The following MYB variants were observed in gnomAD, a reference collection of about 807,000 sequenced individuals.
MYB encodes the protein MYB proto-oncogene, transcription factor, also known as transcriptional activator Myb.
Under a neutral mutation model 92.9 loss-of-function variants are expected in MYB, and 28 were observed. The ratio of observed to expected loss-of-function variants is 0.30; its 90% CI spans 0.22 to 0.41. MYB has a LOEUF of 0.41. MYB is among the 10% of genes least tolerant of loss of function. The pLI is 1.00. For missense variants in MYB, 679 were observed against 929.3 expected, an observed-to-expected ratio of 0.73 and a Z score of 3.50; for synonymous variants, 295 against 329.1, an observed-to-expected ratio of 0.90 and a Z score of 1.12.
chr6:135,201,588 T>C, intron 13 of MYB, 51 bp from the exon 14 acceptor site: 1 of 1,266,340 alleles, frequency 7.9e-7, no homozygotes, highest in Non-Finnish European at 1.1e-6. Flanking sequence ...TGACTGTACA[T>C]GTTTCATAGG....
intron 5 of MYB, among the ~76,000 whole-genome samples, chr6:135,191,613 C>G (rs1776636181): frequency 6.6e-6 from 1 of 152,150 alleles, no homozygotes; most frequent in Non-Finnish European, 1.5e-5. Flanking sequence ...ATACATTCCC[C>G]CACCCCCATT....
At chr6:135,211,740 A>G (rs1056486391) in intron 15 of MYB, among the ~76,000 whole-genome samples, 6 of 152,192 alleles carry the variant, frequency 3.9e-5, no homozygotes, top group Admixed American at 2.6e-4. Context: ...CACATTTGCA[A>G]TTGTTAGTTA....
intron 10 of MYB, among the ~76,000 whole-genome samples, 188 bp from the exon 11 acceptor site, chr6:135,198,720 A>G (rs2128300179): frequency 6.6e-6 from 1 of 152,338 alleles, no homozygotes; most frequent in Non-Finnish European, 1.5e-5. Context: ...TGGAAACCAC[A>G]CCCAAATCCT....
chr6:135,218,181 T>C lies in MYB; in HGVS notation c.*201T>C, dbSNP rs1780701060. ...AACTAAAAGGATTTTTAAAAATAAA[T>C]AACAGTCTTACCTAAATTATTAGGT... is the stretch of plus-strand genomic sequence containing the variant. On this transcript the variant is annotated 3_prime_UTR_variant, in exon 16 of 16. Coordinates refer to ENST00000341911, the MANE Select transcript of MYB (RefSeq NM_001130173.2). 4.0e-6 allele frequency: 2 copies of C among 503,872 alleles called. No homozygotes were observed. Among genetic ancestry groups the C allele is most frequent in the South Asian group, 4.6e-5 (2 of 43,686 alleles). 31.2% of individuals were successfully genotyped at this position (503,872 alleles called of 1,614,324 possible).
Position 135,201,733 on chromosome 6 carries a change from C to T in MYB, c.2045C>T (p.Pro682Leu). The T allele has an allele frequency of 6.7e-7, 1 of 1,503,160 alleles. No homozygotes were observed. Among genetic ancestry groups the T allele is most frequent in the Non-Finnish European group, 9.0e-7 (1 of 1,115,466 alleles). The allele number at this position is 1,503,160 out of a possible 1,614,324, so 93.1% of individuals were successfully genotyped here. The change falls in exon 14 of 16, where the codon CCT (proline) becomes CTT (leucine). Residue 682 changes from proline to leucine, a missense_variant. Around this residue, in one of 8 missense-constraint regions of MYB, gnomAD observed 402 missense variants for 434.2 expected, o/e 0.93. Coordinates refer to ENST00000341911, the MANE Select transcript of MYB (RefSeq NM_001130173.2). ...LNTQLFTQTS[P>L]VADAPNILTS... ...ACCCAACTGTTCACGCAGACCTCGC[C>T]TGTGGCAGATGCACCGGTAAGTACG... is the stretch of plus-strand genomic sequence containing the variant.
At chr6:135,217,749 A>G (rs1346213207) in intron 15 of MYB, 115 bp from the exon 16 acceptor site, 5 of 762,880 alleles carry the variant, frequency 6.6e-6, no homozygotes, top group South Asian at 1.5e-5. Context: ...ATTCTATCTG[A>G]CAAAGCCTTC....
intron 3 of MYB, among the ~76,000 whole-genome samples, chr6:135,188,365 C>T (rs375935827): frequency 6.6e-6 from 1 of 152,242 alleles, no homozygotes; most frequent in East Asian, 1.9e-4. Flanking sequence ...CCCTGGAATT[C>T]CTTTATAGTC....
chr6:135,200,244 C>A (rs780847547), intron 12 of MYB, 45 bp downstream of exon 12: 20 of 1,613,692 alleles, frequency 1.2e-5, no homozygotes, highest in Admixed American at 1.2e-4. Context: ...TTATTAGTCC[C>A]ATTAGGAGTT....
rs1184934641 is a variant in MYB at position 135,192,305 on chromosome 6, G to A, written c.528-19G>A. The A allele has an allele frequency of 6.3e-7, 1 of 1,591,480 alleles. No individual in the cohort carries two copies. The highest frequency in any genetic ancestry group is 8.6e-7 in the Non-Finnish European group (1 of 1,159,504). On this transcript the variant is annotated intron_variant, in intron 5 of 15. Transcript: ENST00000341911. ...TGAAATTTTTGTTTGTGAAATTTGTGTGATATATTTCTGTGCAGAACTGAT... is the reference window on the plus strand; with the variant it reads ...TGAAATTTTTGTTTGTGAAATTTGTATGATATATTTCTGTGCAGAACTGAT...
intron 10 of MYB, among the ~76,000 whole-genome samples, chr6:135,198,089 AGATTTAGGTAT>A (rs1427945796): frequency 6.6e-6 from 1 of 152,220 alleles, no homozygotes; most frequent in East Asian, 1.9e-4. Flanking sequence ...TTTTAAGAAC[AGATTTAGGTAT>A]GATATAGGTA....
intron 15 of MYB, among the ~76,000 whole-genome samples, chr6:135,208,926 G>T (rs1779349847): frequency 6.6e-6 from 1 of 152,018 alleles, no homozygotes; most frequent in Admixed American, 6.5e-5. Context: ...TTACTCTCTA[G>T]TCCAGTGCTG....
chr6:135,218,331 T>C lies in MYB; in HGVS notation c.*351T>C. On this transcript the variant is annotated 3_prime_UTR_variant, in exon 16 of 16. Coordinates refer to ENST00000341911, the MANE Select transcript of MYB (RefSeq NM_001130173.2). The stretch of plus-strand genomic sequence containing the variant: ...TTTTCCTGTGATGGGTTTTTTGAAA[T>C]TTGACACATTAAAAGGTACTCCAGT... The C allele has an allele frequency of 3.6e-6, 1 of 274,862 alleles. No homozygotes were observed. Among genetic ancestry groups the C allele is most frequent in the Non-Finnish European group, 7.0e-6 (1 of 143,870 alleles). The allele number at this position is 274,862 out of a possible 1,614,324, so 17.0% of individuals were successfully genotyped here.
chr6:135,193,021 A>G (rs925956568), intron 6 of MYB, among the ~76,000 whole-genome samples: 1 of 152,226 alleles, frequency 6.6e-6, no homozygotes, highest in African/African-American at 2.4e-5. Flanking sequence ...GGTATGTTTC[A>G]TTCTGGCAGT....
At chr6:135,196,031 G>T in intron 9 of MYB, 29 bp downstream of exon 9, 1 of 1,595,414 alleles carries the variant, frequency 6.3e-7, no homozygotes. Context: ...GGAAGTTAAC[G>T]ATTCTGGAAG....
chr6:135,192,797 G>A lies in MYB; in HGVS notation c.762+239G>A, dbSNP rs368476958. Among the ~76,000 whole-genome samples the A allele has an allele frequency of 1.4e-4, 22 of 152,298 alleles. No individual in the cohort carries two copies. The East Asian group carries it at 3.1e-3, about 21-fold the overall frequency. On this transcript the variant is annotated intron_variant, in intron 6 of 15. Coordinates refer to ENST00000341911, the MANE Select transcript of MYB (RefSeq NM_001130173.2). The stretch of plus-strand genomic sequence containing the variant: ...CAGGGTGACACAGCTCATAGAGATA[G>A]TGCTGACTAGAAAACGAGCTGTCCG...
intron 15 of MYB, among the ~76,000 whole-genome samples, chr6:135,206,585 A>G (rs1410207676): frequency 6.6e-6 from 1 of 152,100 alleles, no homozygotes; most frequent in East Asian, 1.9e-4. Context: ...AATCCCAGCT[A>G]CTTGGGAGGC....
intron 8 of MYB, chr6:135,195,378 T>A: frequency 7.8e-6 from 2 of 255,634 alleles, no homozygotes; most frequent in African/African-American, 2.2e-5. Flanking sequence ...GTGGTTAGAA[T>A]GCAAATAGGA....
intron 15 of MYB, among the ~76,000 whole-genome samples, chr6:135,214,808 A>G (rs1164604214): frequency 6.6e-6 from 1 of 152,248 alleles, no homozygotes; most frequent in Non-Finnish European, 1.5e-5. Flanking sequence ...ACAGATAGAC[A>G]CCAGAGAGAT....
Position 135,182,951 on chromosome 6 carries a change from C to T in MYB, c.23+1415C>T, listed in dbSNP as rs1484568750. 6.6e-6 allele frequency among the ~76,000 whole-genome samples: 1 copy of T among 150,664 alleles called. No individual in the cohort carries two copies. The highest frequency in any genetic ancestry group is 2.0e-4 in the East Asian group (1 of 5,100). On this transcript the variant is annotated intron_variant, in intron 1 of 15. Coordinates refer to ENST00000341911, the MANE Select transcript of MYB (RefSeq NM_001130173.2). This position sits in a 1 kb window ranked among gnomAD's most constrained non-coding sequence, Gnocchi z 5.6. ...CCGCGCAGGACGGTGTGCTGCCCCT[C>T]GAGGGCTCCACTTTTCGCCTTTAGG...
Sources: allele counts gnomAD v4.1 joint callset (sites outside exome capture counted in the v4.1 genomes callset), GRCh38; gene constraint gnomAD v4.1.1; regional missense constraint gnomAD v4.1.1; non-coding constraint Gnocchi (gnomAD v3.1); transcripts MANE v1.5; gene names NCBI Gene and HGNC (gene_info 2026-07-23, HGNC 2026-07-21).